LRRC7: variants seen among roughly 807,000 people sequenced by gnomAD.
The protein encoded by LRRC7 is leucine rich repeat containing 7.
LRRC7 carries 23 observed loss-of-function variants against 175.7 expected under a neutral mutation model. That is an observed-to-expected ratio of 0.13 (90% CI 0.09 to 0.19). The LOEUF (loss-of-function observed/expected upper bound fraction) is 0.19, where lower values mean the gene tolerates loss of function less well. LRRC7 is among the 10% of genes least tolerant of loss of function. The pLI is 1.00. For missense variants in LRRC7, 1,354 were observed against 1,904.7 expected (o/e 0.71, Z 5.38); for synonymous variants, 685 against 680.9 (o/e 1.01, Z -0.09).
At chr1:69,580,350 ATTAT>A (rs1267902007) in intron 1 of LRRC7, among the ~76,000 whole-genome samples, 1 of 152,170 alleles carries the variant, frequency 6.6e-6, no homozygotes, top group African/African-American at 2.4e-5. Context: ...TAACAAAACT[ATTAT>A]TTAATACATA....
intron 2 of LRRC7, among the ~76,000 whole-genome samples, chr1:69,706,935 G>T (rs1263430368): frequency 1.3e-5 from 2 of 152,090 alleles, no homozygotes; most frequent in African/African-American, 4.8e-5. Flanking sequence ...TCGGTTCTGG[G>T]CCTTATGATG....
chr1:69,721,257 G>A (rs1666316073), intron 2 of LRRC7, among the ~76,000 whole-genome samples: 2 of 151,762 alleles, frequency 1.3e-5, no homozygotes, highest in African/African-American at 4.8e-5. Context: ...TTTACATTAG[G>A]TTTTACTCCT....
chr1:69,829,326 A>G (rs1032260699), intron 5 of LRRC7, among the ~76,000 whole-genome samples: 3 of 151,834 alleles, frequency 2.0e-5, no homozygotes, highest in African/African-American at 7.2e-5. Context: ...TTGTTATTCT[A>G]TCTTTGTTGT....
intron 11 of LRRC7, among the ~76,000 whole-genome samples, chr1:70,006,450 C>T (rs1195865266): frequency 9.6e-5 from 14 of 145,824 alleles, no homozygotes; most frequent in Admixed American, 4.9e-4. Flanking sequence ...CCAGCCTGGG[C>T]GACAGAGCAA....
chr1:69,829,327 T>G (rs2101278464), intron 5 of LRRC7, among the ~76,000 whole-genome samples: 1 of 152,028 alleles, frequency 6.6e-6, no homozygotes, highest in East Asian at 1.9e-4. Context: ...TGTTATTCTA[T>G]CTTTGTTGTA....
chr1:69,834,409 C>T (rs938480541), intron 5 of LRRC7, among the ~76,000 whole-genome samples: 1 of 152,092 alleles, frequency 6.6e-6, no homozygotes, highest in Non-Finnish European at 1.5e-5. Context: ...TGTGAATATT[C>T]TGTTGAAAAA....
intron 8 of LRRC7, among the ~76,000 whole-genome samples, chr1:69,940,929 A>T (rs1648643195): frequency 6.6e-6 from 1 of 152,104 alleles, no homozygotes; most frequent in African/African-American, 2.4e-5. Flanking sequence ...CACTGAGGAG[A>T]AATATAAAGA....
chr1:69,834,152 T>G (rs17131040), intron 5 of LRRC7, among the ~76,000 whole-genome samples: 3,115 of 152,240 alleles, frequency 0.02, 90 homozygotes, highest in African/African-American at 0.07. Flanking sequence ...TGATGCAGTT[T>G]ATAGCCTTTA....
At chr1:69,787,628 G>A (rs1194278672) in intron 3 of LRRC7, among the ~76,000 whole-genome samples, 1 of 152,208 alleles carries the variant, frequency 6.6e-6, no homozygotes, top group Non-Finnish European at 1.5e-5. Flanking sequence ...CATGGCCTGA[G>A]CTCTATGTTG....
intron 2 of LRRC7, among the ~76,000 whole-genome samples, chr1:69,690,096 G>A (rs1217470259): frequency 6.6e-6 from 1 of 152,128 alleles, no homozygotes; most frequent in East Asian, 1.9e-4. Context: ...GCTCTTCTAT[G>A]GAAGGTCCAT....
intron 1 of LRRC7, among the ~76,000 whole-genome samples, chr1:69,624,353 A>T (rs1651137258): frequency 6.6e-6 from 1 of 152,116 alleles, no homozygotes; most frequent in Admixed American, 6.6e-5. Flanking sequence ...AGATGCACAT[A>T]TATATATGTA....
intron 1 of LRRC7, among the ~76,000 whole-genome samples, chr1:69,600,795 GGTTTC>G (rs1647025792): frequency 2.5e-4 from 1 of 3,938 alleles, no homozygotes; most frequent in Non-Finnish European, 4.1e-4. Flanking sequence ...AAGGATCTCT[GGTTTC>G]TTTTTTTTTT....
chr1:69,661,484 C>T (rs1158030197), intron 1 of LRRC7, among the ~76,000 whole-genome samples: 1 of 152,152 alleles, frequency 6.6e-6, no homozygotes, highest in Non-Finnish European at 1.5e-5. Flanking sequence ...AAACAGTACT[C>T]ACTTGATTAA....
chr1:69,827,456 C>A (rs535614293), intron 5 of LRRC7, among the ~76,000 whole-genome samples: 1 of 152,054 alleles, frequency 6.6e-6, no homozygotes, highest in African/African-American at 2.4e-5. Context: ...ACACTGTAAA[C>A]ATTAAACAGT....
At chr1:69,804,858 TA>T (rs1442910861) in intron 4 of LRRC7, among the ~76,000 whole-genome samples, 3 of 151,704 alleles carry the variant, frequency 2.0e-5, no homozygotes, top group Non-Finnish European at 4.4e-5. Context: ...CATAATGAAG[TA>T]AATTGTTTTG....
At chr1:69,852,932 C>A (rs149003675) in intron 7 of LRRC7, among the ~76,000 whole-genome samples, 2 of 152,122 alleles carry the variant, frequency 1.3e-5, no homozygotes, top group Non-Finnish European at 2.9e-5. Context: ...GGTGAGCAAA[C>A]TGTGTAAAAC....
chr1:69,649,515 G>C (rs1655476935), intron 1 of LRRC7, among the ~76,000 whole-genome samples: 1 of 152,094 alleles, frequency 6.6e-6, no homozygotes, highest in African/African-American at 2.4e-5. Flanking sequence ...TAAATATCTA[G>C]AGCATTCAAA....
At chr1:69,596,262 G>A (rs886433860) in intron 1 of LRRC7, among the ~76,000 whole-genome samples, 2 of 152,126 alleles carry the variant, frequency 1.3e-5, no homozygotes, top group African/African-American at 4.8e-5. Flanking sequence ...AAAATCCGGA[G>A]AGGTTAGATA....
At chr1:70,107,475 G>GA (rs796785633) in intron 25 of LRRC7, among the ~76,000 whole-genome samples, 3 of 152,096 alleles carry the variant, frequency 2.0e-5, no homozygotes, top group African/African-American at 4.8e-5. Flanking sequence ...ATGATTTAAG[G>GA]AAAAAATCAT....
Sources: allele counts gnomAD v4.1 joint callset (sites outside exome capture counted in the v4.1 genomes callset), GRCh38; gene constraint gnomAD v4.1.1; transcripts MANE v1.5; gene names NCBI Gene and HGNC (gene_info 2026-07-23, HGNC 2026-07-21).